PUDP: variants seen among roughly 807,000 people sequenced by gnomAD.
PUDP encodes pseudouridine-5'-phosphatase.
A neutral mutation model predicts 9.4 loss-of-function variants in PUDP; 8 were observed. The observed-to-expected ratio is 0.85, with a 90% CI of 0.50 to 1.53. The LOEUF (loss-of-function observed/expected upper bound fraction) is 1.53. PUDP is among the 40% of genes most tolerant of loss of function. The pLI is 0.00. For missense variants in PUDP, 188 were observed against 189.7 expected, an observed-to-expected ratio of 0.99 and a Z score of 0.05; for synonymous variants, 99 against 80.7, an observed-to-expected ratio of 1.23 and a Z score of -1.22.
At chrX:7,129,894 G>A (rs778290238) in intron 1 of PUDP, among the ~76,000 whole-genome samples, 1 of 111,479 alleles carries the variant, frequency 9.0e-6, no homozygotes, top group Non-Finnish European at 1.9e-5. Flanking sequence ...AATCGAAAGG[G>A]TAAGGGCAAT....
intron 3 of PUDP, among the ~76,000 whole-genome samples, chrX:6,795,482 A>G (rs1367353240): frequency 9.0e-6 from 1 of 111,507 alleles, no homozygotes; most frequent in Non-Finnish European, 1.9e-5. Flanking sequence ...GGGGCTGTGT[A>G]AAGGGCTGGA....
chrX:7,014,722 T>G (rs896947161), intron 1 of PUDP, among the ~76,000 whole-genome samples: 36 of 111,587 alleles, frequency 3.2e-4, no homozygotes, highest in Non-Finnish European at 3.0e-4. Context: ...TGAAAACTAG[T>G]GTGGAAGACA....
intron 3 of PUDP, among the ~76,000 whole-genome samples, chrX:6,876,355 C>T (rs913561233): frequency 4.5e-5 from 5 of 111,112 alleles, no homozygotes; most frequent in Non-Finnish European, 9.4e-5. Flanking sequence ...GGATATTCTC[C>T]ACCTACAATG....
rs184556717 is a variant in PUDP, at chrX:6,963,916, G to A, written c.*247+13217C>T. ...TAAAAAACTGACTCTATATTCGTGG[G>A]AGGAATTGACTCTTCGGTGAGTGTT... On this transcript the variant is annotated intron_variant and NMD_transcript_variant, in intron 3 of 3. Coordinates refer to the PUDP transcript ENST00000655425. Among the ~76,000 whole-genome samples, 556 of 112,185 alleles carry A rather than the reference G, an allele frequency of 5.0e-3. 2 individuals carry two copies. The highest frequency in any genetic ancestry group is 0.014 in the Middle Eastern group (3 of 216).
chrX:7,091,195 A>G (rs759168992), intron 2 of PUDP, among the ~76,000 whole-genome samples: 2 of 111,734 alleles, frequency 1.8e-5, no homozygotes, highest in Non-Finnish European at 3.8e-5. Flanking sequence ...AATAAAAAAG[A>G]AAGGGAAAGA....
At chrX:6,743,718 C>T (rs1924966406) in intron 3 of PUDP, among the ~76,000 whole-genome samples, 1 of 111,665 alleles carries the variant, frequency 9.0e-6, no homozygotes, top group African/African-American at 3.3e-5. Flanking sequence ...TGCCATGTGA[C>T]TTAAATCATC....
At chrX:7,108,795 T>C (rs1440213817) in intron 1 of PUDP, among the ~76,000 whole-genome samples, 1 of 112,242 alleles carries the variant, frequency 8.9e-6, no homozygotes, top group Admixed American at 9.4e-5. Flanking sequence ...CCTCAAGTGA[T>C]TCTCCAGCCT....
intron 3 of PUDP, among the ~76,000 whole-genome samples, chrX:6,966,029 G>A (rs1928779331): frequency 9.0e-6 from 1 of 110,916 alleles, no homozygotes; most frequent in Non-Finnish European, 1.9e-5. Context: ...TGAATAGACA[G>A]GAATGATTTT....
intron 3 of PUDP, among the ~76,000 whole-genome samples, chrX:7,071,157 G>T (rs752863730): frequency 4.5e-5 from 5 of 111,540 alleles, no homozygotes; most frequent in Non-Finnish European, 9.4e-5. Context: ...GAGTCACAGA[G>T]ATGCAAAAAG....
chrX:6,738,908 C>CTTTTGAATT (rs1924904552), intron 3 of PUDP, among the ~76,000 whole-genome samples: 1 of 111,337 alleles, frequency 9.0e-6, no homozygotes, highest in Admixed American at 9.6e-5. Flanking sequence ...TTTTTCGGTG[C>CTTTTGAATT]TTTTGAATTT....
chrX:7,003,928 G>A (rs1929365168), intron 1 of PUDP, among the ~76,000 whole-genome samples: 1 of 111,468 alleles, frequency 9.0e-6, no homozygotes, highest in Non-Finnish European at 1.9e-5. Context: ...CTAGGCTGGA[G>A]TGCAGTGGCA....
chrX:6,846,996 C>G (rs1926759250), intron 3 of PUDP, among the ~76,000 whole-genome samples: 1 of 111,804 alleles, frequency 8.9e-6, no homozygotes, highest in Non-Finnish European at 1.9e-5. Context: ...TGACCTAAAA[C>G]TATAAAAAGT....
intron 1 of PUDP, among the ~76,000 whole-genome samples, chrX:7,125,024 AAAAAAACAT>A (rs1305238010): frequency 6.2e-4 from 68 of 109,887 alleles, no homozygotes; most frequent in Admixed American, 1.8e-3. Flanking sequence ...AACATATTAA[AAAAAAACAT>A]AAAAAAAACA....
chrX:6,895,035 T>G (rs76277263), intron 3 of PUDP, among the ~76,000 whole-genome samples: 5,442 of 110,548 alleles, frequency 0.049, 145 homozygotes, highest in East Asian at 0.15. Context: ...CCGACTGCTA[T>G]TTCTGATCAT....
rs149133983 is a variant in PUDP, at chrX:6,852,374, C to G, written c.*247+124759G>C. Among the ~76,000 whole-genome samples, 6 of 112,438 alleles carry G rather than the reference C, an allele frequency of 5.3e-5. No individual in the cohort carries two copies. The East Asian group carries it at 1.7e-3, about 32-fold the overall frequency. The stretch of plus-strand genomic sequence containing the variant: ...CATCCCTTTGCTGGGTCCCAGCAGC[C>G]AGAGCTGCTGATGGTATTTGCAGGC... On this transcript the variant is annotated intron_variant and NMD_transcript_variant, in intron 3 of 3. Coordinates refer to the PUDP transcript ENST00000655425.
At chrX:6,820,288 T>G (rs1569105673) in intron 3 of PUDP, among the ~76,000 whole-genome samples, 1 of 110,842 alleles carries the variant, frequency 9.0e-6, no homozygotes, top group Non-Finnish European at 1.9e-5. Context: ...GGAGATACAA[T>G]TCAAGCTGAG....
chrX:6,992,567 C>T (rs969749810), intron 1 of PUDP, among the ~76,000 whole-genome samples: 5 of 110,123 alleles, frequency 4.5e-5, no homozygotes, highest in Non-Finnish European at 7.6e-5. Context: ...CCACCGCGCC[C>T]GGCCCAGGGT....
At chrX:6,801,431 A>G (rs1042693761) in intron 3 of PUDP, among the ~76,000 whole-genome samples, 4 of 112,460 alleles carry the variant, frequency 3.6e-5, no homozygotes, top group Non-Finnish European at 7.5e-5. Flanking sequence ...ATGACCGCCA[A>G]CTGAGCAAAG....
intron 1 of PUDP, among the ~76,000 whole-genome samples, chrX:6,982,616 G>A (rs1929051791): frequency 8.9e-6 from 1 of 112,115 alleles, no homozygotes; most frequent in African/African-American, 3.2e-5. Flanking sequence ...AGGAGTAATT[G>A]GGGAAGTTGC....
Sources: allele counts gnomAD v4.1 joint callset (sites outside exome capture counted in the v4.1 genomes callset), GRCh38; gene constraint gnomAD v4.1.1; transcripts MANE v1.5; gene names NCBI Gene and HGNC (gene_info 2026-07-23, HGNC 2026-07-21).